The following ZDHHC17 variants were observed in gnomAD, a reference collection of about 807,000 sequenced individuals.
The protein encoded by ZDHHC17 is zDHHC palmitoyltransferase 17.
Under a neutral mutation model 90.3 loss-of-function variants are expected in ZDHHC17, and 40 were observed. The observed-to-expected ratio is 0.44, with a 90% CI of 0.34 to 0.58. The LOEUF is 0.58. Among genes scored for constraint, ZDHHC17 ranks in the 20% least tolerant of loss-of-function variants. The probability of loss-of-function intolerance (pLI) is 0.01; values close to 1 mark genes in which losing one functional copy is unlikely to be tolerated. For missense variants in ZDHHC17, 614 were observed against 780.8 expected (o/e 0.79, Z 2.55); for synonymous variants, 235 against 252.4 (o/e 0.93, Z 0.65).
At chr12:76,839,385 A>G (rs1953405309) in intron 10 of ZDHHC17, among the ~76,000 whole-genome samples, 1 of 152,202 alleles carries the variant, frequency 6.6e-6, no homozygotes, top group African/African-American at 2.4e-5. Context: ...ACTTTATGAT[A>G]CATGTGGTCT....
At chr12:76,824,093 TTC>T (rs1393076516) in intron 8 of ZDHHC17, among the ~76,000 whole-genome samples, 2 of 151,540 alleles carry the variant, frequency 1.3e-5, no homozygotes, top group African/African-American at 2.4e-5. Flanking sequence ...TATATGTATA[TTC>T]ACACACACAC....
intron 4 of ZDHHC17, among the ~76,000 whole-genome samples, 195 bp downstream of exon 4, chr12:76,809,315 C>T (rs963442035): frequency 4.0e-5 from 6 of 151,634 alleles, no homozygotes; most frequent in Non-Finnish European, 7.4e-5. Flanking sequence ...GTTTCCCTGG[C>T]CATGCTGATA....
chr12:76,800,941 G>GC (rs1208996768), intron 2 of ZDHHC17, among the ~76,000 whole-genome samples: 1 of 142,648 alleles, frequency 7.0e-6, no homozygotes, highest in Non-Finnish European at 1.5e-5. Context: ...AGGCTGGAGT[G>GC]CCATGGCGCA....
chr12:76,783,803 A>C (rs544777011), intron 1 of ZDHHC17, among the ~76,000 whole-genome samples: 2 of 152,382 alleles, frequency 1.3e-5, no homozygotes, highest in Non-Finnish European at 2.9e-5. Context: ...CCCTAAATGT[A>C]ATCACATATA....
intron 5 of ZDHHC17, among the ~76,000 whole-genome samples, chr12:76,814,414 T>C (rs1442964925): frequency 6.6e-6 from 1 of 151,852 alleles, no homozygotes; most frequent in Non-Finnish European, 1.5e-5. Flanking sequence ...AATGTTTATA[T>C]GAACCAGAAT....
chr12:76,767,996 C>G (rs1269102186), intron 1 of ZDHHC17, among the ~76,000 whole-genome samples: 1 of 151,592 alleles, frequency 6.6e-6, no homozygotes, highest in Non-Finnish European at 1.5e-5. Context: ...GTACATTTTT[C>G]TCATTTGTAA....
chr12:76,847,684 C>T (rs1048276975), intron 14 of ZDHHC17, among the ~76,000 whole-genome samples: 2 of 152,018 alleles, frequency 1.3e-5, no homozygotes, highest in African/African-American at 2.4e-5. Flanking sequence ...GAAGAGAGAC[C>T]CCATCTCTAC....
At chr12:76,778,984 G>T (rs1003399845) in intron 1 of ZDHHC17, among the ~76,000 whole-genome samples, 2 of 152,106 alleles carry the variant, frequency 1.3e-5, no homozygotes, top group Non-Finnish European at 2.9e-5. Flanking sequence ...TTTTTAAAAG[G>T]ACAGTAATCA....
At chr12:76,828,298 C>A in intron 9 of ZDHHC17, 92 bp from the exon 10 acceptor site, 1 of 1,100,812 alleles carries the variant, frequency 9.1e-7, no homozygotes, top group East Asian at 2.6e-5. Context: ...CCAATGCTTA[C>A]TATACAAAAT....
At position 76,852,099 on chromosome 12, in the gene ZDHHC17, C is replaced by G. The variant is rs1953574651; in HGVS notation, c.*1114C>G. ...ATCCAATATTGAGTAAGTTCTGAAA[C>G]AGTTTTAGAAAAAATTTTCTTTTTG... On this transcript the variant is annotated 3_prime_UTR_variant, in exon 17 of 17. Coordinates refer to ENST00000426126, the MANE Select transcript of ZDHHC17 (RefSeq NM_015336.4). 6.6e-6 allele frequency: 1 copy of G among 152,602 alleles called. No individual in the cohort carries two copies. Among genetic ancestry groups the G allele is most frequent in the African/African-American group, 2.4e-5 (1 of 41,444 alleles). 9.5% of individuals were successfully genotyped at this position (152,602 alleles called of 1,614,324 possible). A position where few individuals can be genotyped will look rare whatever the true frequency, so the allele number is the denominator to read the frequency against.
intron 5 of ZDHHC17, among the ~76,000 whole-genome samples, chr12:76,812,195 C>A (rs1478788897): frequency 6.6e-6 from 1 of 152,172 alleles, no homozygotes; most frequent in Non-Finnish European, 1.5e-5. Context: ...ATGTGCATTG[C>A]ATCATACTGT....
At chr12:76,835,107 T>C (rs1290907924) in intron 10 of ZDHHC17, among the ~76,000 whole-genome samples, 7 of 151,164 alleles carry the variant, frequency 4.6e-5, no homozygotes, top group South Asian at 2.1e-4. Flanking sequence ...CTGGAGTGCA[T>C]TGGCGCAATC....
chr12:76,800,839 T>A (rs1182562594), intron 2 of ZDHHC17, among the ~76,000 whole-genome samples: 1 of 151,726 alleles, frequency 6.6e-6, no homozygotes. Flanking sequence ...CCATTTACAT[T>A]TAAAGTAATT....
At chr12:76,836,247 A>C (rs186165738) in intron 10 of ZDHHC17, among the ~76,000 whole-genome samples, 277 of 152,028 alleles carry the variant, frequency 1.8e-3, no homozygotes, top group Non-Finnish European at 3.2e-3. Flanking sequence ...GAAATTATTA[A>C]CTGCATGTTT....
intron 8 of ZDHHC17, 108 bp downstream of exon 8, chr12:76,822,639 C>T (rs747295745): frequency 2.3e-5 from 19 of 835,450 alleles, no homozygotes; most frequent in Non-Finnish European, 3.4e-5. Context: ...ACTGCAATCC[C>T]TGCCTCTCGG....
intron 5 of ZDHHC17, among the ~76,000 whole-genome samples, chr12:76,811,116 A>T (rs529873167): frequency 6.6e-6 from 1 of 152,228 alleles, no homozygotes; most frequent in Admixed American, 6.5e-5. Flanking sequence ...TGACACAGCA[A>T]CGTTTTTTCT....
rs563119350 is a variant in ZDHHC17, at chr12:76,795,497, G to A, written c.94-1937G>A. Reference sequence around the variant, plus strand: ...TTTATTCTTTTTCAGGTATCTTACAGCCATATAGATGTCAAAGTTGGAGTT... The same window carrying A: ...TTTATTCTTTTTCAGGTATCTTACAACCATATAGATGTCAAAGTTGGAGTT... On this transcript the variant is annotated intron_variant, in intron 1 of 16. Transcript: ENST00000426126. Among the ~76,000 whole-genome samples the A allele has an allele frequency of 2.6e-5, 4 of 152,132 alleles. No individual in the cohort carries two copies. In the South Asian group the frequency reaches 8.3e-4, roughly 32 times the overall value.
At chr12:76,800,449 A>G (rs1316784781) in intron 2 of ZDHHC17, among the ~76,000 whole-genome samples, 7 of 152,186 alleles carry the variant, frequency 4.6e-5, no homozygotes, top group Admixed American at 2.6e-4. Flanking sequence ...TGAAGTCTCT[A>G]GCTCTTACTG....
chr12:76,842,060 A>T lies in ZDHHC17; in HGVS notation c.1220A>T (p.Lys407Ile), dbSNP rs1225391265. The stretch of plus-strand genomic sequence containing the variant: ...TTCTACAATTTTGGAAAATCTTGGA[A>T]ATCAGATCCAGGGATTATTAAAGCA... ...ALFYNFGKSWKSDPGIIKATE... is the reference protein window; with the variant it reads ...ALFYNFGKSWISDPGIIKATE... Residue 407 changes from lysine (K) to isoleucine (I), a missense_variant, in exon 11 of 17, where the codon AAA (lysine) becomes ATA (isoleucine). Physicochemically the swap from Lys to Ile is moderately radical, Grantham distance 102. Coordinates refer to ENST00000426126, the MANE Select transcript of ZDHHC17 (RefSeq NM_015336.4). 6.2e-7 allele frequency: 1 copy of T among 1,602,294 alleles called. No individual in the cohort carries two copies. Among genetic ancestry groups the T allele is most frequent in the Non-Finnish European group, 8.5e-7 (1 of 1,175,060 alleles).
Sources: gnomAD v4.1 joint callset for allele counts (sites outside exome capture counted in the v4.1 genomes callset) on GRCh38, gnomAD v4.1.1 for gene constraint, MANE v1.5 for transcripts, NCBI Gene and HGNC (gene_info 2026-07-23, HGNC 2026-07-21) for gene names.